The following PHF20 variants were observed in gnomAD, a reference collection of about 807,000 sequenced individuals.
The protein encoded by PHF20 is glioma-expressed antigen 2.
Under a neutral mutation model 113.5 loss-of-function variants are expected in PHF20, and 23 were observed. That is an observed-to-expected ratio of 0.20 (90% CI 0.15 to 0.29). The LOEUF (loss-of-function observed/expected upper bound fraction) is 0.29. PHF20 is among the 10% of genes least tolerant of loss of function. The pLI is 1.00. For synonymous variants in PHF20, 434 were observed against 457.3 expected, an observed-to-expected ratio of 0.95 and a Z score of 0.65; for missense variants, 943 against 1,219.6, an observed-to-expected ratio of 0.77 and a Z score of 3.38.
chr20:35,812,944 T>C (rs1320735747), intron 2 of PHF20, among the ~76,000 whole-genome samples: 4 of 152,196 alleles, frequency 2.6e-5, no homozygotes, highest in Admixed American at 2.0e-4. Context: ...TTAGGTGATG[T>C]TCTTCTGTAC....
At chr20:35,796,228 A>G (rs777344852) in intron 1 of PHF20, among the ~76,000 whole-genome samples, 4 of 152,104 alleles carry the variant, frequency 2.6e-5, no homozygotes, top group South Asian at 2.1e-4. Flanking sequence ...GTTAGTTTAT[A>G]TCTTTATCAT....
At chr20:35,885,832 G>A (rs1360844570) in intron 9 of PHF20, among the ~76,000 whole-genome samples, 1 of 152,036 alleles carries the variant, frequency 6.6e-6, no homozygotes, top group Non-Finnish European at 1.5e-5. Context: ...TTGAGACTAT[G>A]TAAATATCTT....
intron 1 of PHF20, among the ~76,000 whole-genome samples, chr20:35,772,616 G>A (rs1020811286): frequency 6.6e-6 from 1 of 151,962 alleles, no homozygotes; most frequent in Non-Finnish European, 1.5e-5. Context: ...CCTTTCTTAA[G>A]CTCTAGCTCT....
intron 1 of PHF20, among the ~76,000 whole-genome samples, chr20:35,787,062 G>A (rs961559365): frequency 6.7e-6 from 1 of 149,214 alleles, no homozygotes; most frequent in Non-Finnish European, 1.5e-5. Context: ...TGCAATCATA[G>A]TTCACTGCAG....
intron 9 of PHF20, among the ~76,000 whole-genome samples, chr20:35,879,221 C>A (rs1299446769): frequency 6.6e-6 from 1 of 152,062 alleles, no homozygotes; most frequent in Non-Finnish European, 1.5e-5. Flanking sequence ...TGTAAAGCTT[C>A]CCACAACTGA....
chr20:35,899,691 G>T (rs1038975282), intron 10 of PHF20, 43 bp downstream of exon 10: 8 of 1,593,034 alleles, frequency 5.0e-6, no homozygotes, highest in Non-Finnish European at 6.9e-6. Flanking sequence ...TGGCTCAGTT[G>T]CTTGGCCACA....
intron 2 of PHF20, among the ~76,000 whole-genome samples, chr20:35,827,975 T>C (rs764985550): frequency 1.3e-5 from 2 of 152,048 alleles, no homozygotes; most frequent in Non-Finnish European, 2.9e-5. Context: ...TAGATAAAGA[T>C]AGTTTACAAA....
intron 6 of PHF20, among the ~76,000 whole-genome samples, chr20:35,867,097 G>A (rs1165844154): frequency 1.3e-5 from 2 of 152,042 alleles, no homozygotes; most frequent in Non-Finnish European, 2.9e-5. Context: ...CGGTATCAAA[G>A]GGAAGAAGAC....
rs370912467 is a variant in PHF20, at chr20:35,784,029, A to G, written c.-33+11950A>G. ...AGTACTGGGATTATAGGCATGAGCC[A>G]CTGTCCCGCCCTTACGTTTGTTTGT... On this transcript the variant is annotated intron_variant, in intron 1 of 17. Coordinates refer to ENST00000374012, the MANE Select transcript of PHF20 (RefSeq NM_016436.5). Among the ~76,000 whole-genome samples the G allele has an allele frequency of 1.2e-4, 18 of 151,224 alleles. No individual in the cohort carries two copies. The East Asian group carries it at 3.1e-3, about 26-fold the overall frequency.
intron 2 of PHF20, among the ~76,000 whole-genome samples, chr20:35,817,124 T>C (rs1006797011): frequency 2.0e-5 from 3 of 151,570 alleles, no homozygotes; most frequent in African/African-American, 7.3e-5. Flanking sequence ...TAATCTGTTA[T>C]GTGAACTAAC....
intron 2 of PHF20, among the ~76,000 whole-genome samples, chr20:35,835,203 AGT>A (rs2042418931): frequency 6.6e-6 from 1 of 152,090 alleles, no homozygotes; most frequent in Non-Finnish European, 1.5e-5. Context: ...TAAACCTGGG[AGT>A]CAGAGGTTGC....
At chr20:35,880,538 G>T (rs74967064) in intron 9 of PHF20, among the ~76,000 whole-genome samples, 3 of 152,080 alleles carry the variant, frequency 2.0e-5, no homozygotes, top group Non-Finnish European at 4.4e-5. Context: ...ATATTTTAAA[G>T]AAGTTTTTAT....
At chr20:35,795,475 G>T (rs2041649184) in intron 1 of PHF20, among the ~76,000 whole-genome samples, 1 of 152,054 alleles carries the variant, frequency 6.6e-6, no homozygotes, top group Non-Finnish European at 1.5e-5. Flanking sequence ...GACCTCAAGT[G>T]ATCTGCCCAC....
In PHF20 at chr20:35,912,020, C is replaced by T. The variant is rs143952659; in HGVS notation, c.1562-1229C>T. Among the ~76,000 whole-genome samples the T allele has an allele frequency of 2.1e-4, 30 of 141,110 alleles. 1 individual carries two copies. The highest frequency in any genetic ancestry group is 1.9e-3 in the Admixed American group (26 of 13,622). The allele number at this position is 141,110 out of a possible 152,430, so 92.6% of individuals were successfully genotyped here. A position where few individuals can be genotyped will look rare whatever the true frequency, so the allele number is the denominator to read the frequency against. On this transcript the variant is annotated intron_variant, in intron 10 of 17. Coordinates refer to ENST00000374012, the MANE Select transcript of PHF20 (RefSeq NM_016436.5). ...TCTTTGAGATGGAGTCTCGCTCTGT[C>T]GCCAGGCTGGAGTGCAATGACATGA...
At chr20:35,794,300 CAAA>C (rs369191805) in intron 1 of PHF20, among the ~76,000 whole-genome samples, 5 of 96,082 alleles carry the variant, frequency 5.2e-5, no homozygotes, top group Non-Finnish European at 4.6e-5. Flanking sequence ...AACTCTGTCT[CAAA>C]AAAAAAAAAA....
intron 10 of PHF20, among the ~76,000 whole-genome samples, chr20:35,903,657 C>G (rs1568738902): frequency 6.6e-6 from 1 of 152,124 alleles, no homozygotes; most frequent in African/African-American, 2.4e-5. Context: ...GTTACCAGAC[C>G]GAAGGAACTA....
Position 35,838,897 on chromosome 20 carries a change from C to T in PHF20, c.84-3676C>T, listed in dbSNP as rs542134805. Among the ~76,000 whole-genome samples, 10 of 148,716 alleles carry T rather than the reference C, an allele frequency of 6.7e-5. No homozygotes were observed. The East Asian group carries it at 1.2e-3, about 18-fold the overall frequency. On this transcript the variant is annotated intron_variant, in intron 2 of 17. Transcript: ENST00000374012. Reference sequence around the variant, plus strand: ...TAGTCCCAGCTACTCTGGTGGCTGACGTGGGAGGATCACTTGAGGTCAGGA... The same window carrying T: ...TAGTCCCAGCTACTCTGGTGGCTGATGTGGGAGGATCACTTGAGGTCAGGA...
intron 1 of PHF20, among the ~76,000 whole-genome samples, chr20:35,781,138 G>T (rs2041287577): frequency 6.8e-6 from 1 of 147,968 alleles, no homozygotes; most frequent in Admixed American, 6.8e-5. Flanking sequence ...GCGTGAGCAA[G>T]ATTTTATTCT....
At chr20:35,943,333 A>G (rs1568809154) in intron 17 of PHF20, among the ~76,000 whole-genome samples, 1 of 151,820 alleles carries the variant, frequency 6.6e-6, no homozygotes, top group South Asian at 2.1e-4. Context: ...AGTGAGACTC[A>G]GTCTGAAAAT....
Sources: allele counts gnomAD v4.1 joint callset (sites outside exome capture counted in the v4.1 genomes callset), GRCh38; gene constraint gnomAD v4.1.1; transcripts MANE v1.5; gene names NCBI Gene and HGNC (gene_info 2026-07-23, HGNC 2026-07-21).